ADAM28: variants seen among roughly 807,000 people sequenced by gnomAD.
ADAM28 encodes the protein ADAM metallopeptidase domain 28, also known as disintegrin and metalloproteinase domain-containing protein 28.
In ADAM28, 105 loss-of-function variants were observed where a neutral mutation model predicts 101.2. The ratio of observed to expected loss-of-function variants is 1.04; its 90% CI spans 0.89 to 1.22. ADAM28 has a LOEUF of 1.22. Among genes scored for constraint, ADAM28 ranks in the 50% most tolerant of loss-of-function variants. ADAM28 has a pLI of 0.00. For synonymous variants in ADAM28, 322 were observed against 310.6 expected (o/e 1.04, Z -0.39); for missense variants, 1,028 against 945.4 (o/e 1.09, Z -1.15).
At chr8:24,298,204 G>T (rs934077486) in intron 1 of ADAM28, among the ~76,000 whole-genome samples, 1 of 151,956 alleles carries the variant, frequency 6.6e-6, no homozygotes, top group Non-Finnish European at 1.5e-5. Flanking sequence ...AAAAAATAAG[G>T]TATTCTAATG....
rs73673446 is a variant in ADAM28 at position 24,340,322 on chromosome 8, C to T, written c.1670+754C>T. Among the ~76,000 whole-genome samples the T allele has an allele frequency of 3.3e-3, 509 of 152,272 alleles. 1 individual carries two copies. The highest frequency in any genetic ancestry group is 0.012 in the African/African-American group (488 of 41,544). On this transcript the variant is annotated intron_variant, in intron 15 of 22. Coordinates refer to ENST00000265769, the MANE Select transcript of ADAM28 (RefSeq NM_014265.6). Reference sequence around the variant, plus strand: ...TCTCTGAATGACAGGTATTACCAAACTATACTTTGGATATAGGGTTATCTC... The same window carrying T: ...TCTCTGAATGACAGGTATTACCAAATTATACTTTGGATATAGGGTTATCTC...
rs35073591 is a variant in ADAM28, at chr8:24,350,864, GTT to G, written c.2100-343_2100-342del. Reference sequence around the variant, plus strand: ...ACGAACGTGATTCTGGCACAACGGTGTTTTTTTTTTTTTTTTTTTTTTTTTTA... The same window carrying G: ...ACGAACGTGATTCTGGCACAACGGTGTTTTTTTTTTTTTTTTTTTTTTTTA... On this transcript the variant is annotated intron_variant, in intron 19 of 22. Transcript: ENST00000265769. Among the ~76,000 whole-genome samples the G allele has an allele frequency of 8.4e-3, 1,249 of 147,832 alleles. 12 individuals carry two copies. The highest frequency in any genetic ancestry group is 0.027 in the South Asian group (124 of 4,664).
intron 6 of ADAM28, among the ~76,000 whole-genome samples, chr8:24,319,926 G>A (rs1372518559): frequency 6.6e-6 from 1 of 151,876 alleles, no homozygotes; most frequent in Admixed American, 6.6e-5. Context: ...GTGTCAGGAT[G>A]GTGAAGAAGT....
intron 18 of ADAM28, among the ~76,000 whole-genome samples, chr8:24,343,856 C>G (rs1230392041): frequency 1.3e-5 from 2 of 152,128 alleles, no homozygotes; most frequent in Non-Finnish European, 2.9e-5. Flanking sequence ...CTTTAGGACT[C>G]TTCCATTTTC....
intron 18 of ADAM28, among the ~76,000 whole-genome samples, chr8:24,345,143 A>G (rs995164814): frequency 2.0e-5 from 3 of 151,718 alleles, no homozygotes; most frequent in Admixed American, 6.6e-5. Context: ...CTTAATTACT[A>G]ATTAATCAAA....
intron 16 of ADAM28, 43 bp from the exon 17 acceptor site, chr8:24,343,058 G>T (rs182827287): frequency 1.2e-6 from 2 of 1,612,500 alleles, no homozygotes; most frequent in Admixed American, 1.7e-5. Flanking sequence ...TCTCATCTAC[G>T]TTCAGAGAAG....
intron 8 of ADAM28, 70 bp from the exon 9 acceptor site, chr8:24,323,764 T>C: frequency 7.0e-7 from 1 of 1,433,040 alleles, no homozygotes; most frequent in Non-Finnish European, 9.4e-7. Flanking sequence ...AAATACAAAA[T>C]ATATTGAAAA....
intron 2 of ADAM28, among the ~76,000 whole-genome samples, chr8:24,303,880 A>C (rs1417953669): frequency 6.6e-6 from 1 of 151,998 alleles, no homozygotes. Context: ...CATCAGCTGA[A>C]ATTTTACAAG....
chr8:24,330,394 C>T (rs554348963), intron 11 of ADAM28, among the ~76,000 whole-genome samples: 191 of 152,154 alleles, frequency 1.3e-3, no homozygotes, highest in South Asian at 3.5e-3. Context: ...ATCAGGTTTT[C>T]CATGAATTCA....
At chr8:24,299,119 G>C (rs1009073029) in intron 1 of ADAM28, among the ~76,000 whole-genome samples, 2 of 152,096 alleles carry the variant, frequency 1.3e-5, no homozygotes, top group Admixed American at 1.3e-4. Context: ...CTTGAGCCCA[G>C]GATGTTGAGG....
Position 24,341,649 on chromosome 8 carries a change from C to G in ADAM28, c.1722C>G (p.Pro574=). 6.2e-7 allele frequency: 1 copy of G among 1,613,800 alleles called. No individual in the cohort carries two copies. Among genetic ancestry groups the G allele is most frequent in the Non-Finnish European group, 8.5e-7 (1 of 1,179,800 alleles). The part of the protein sequence containing the change: ...LFCQGGSDNL[P]WKGRIVTFLT... Reference sequence around the variant, plus strand: ...GTCAAGGTGGGTCGGATAATTTGCCCTGGAAAGGACGGATAGTGACTTTCC... The same window carrying G: ...GTCAAGGTGGGTCGGATAATTTGCCGTGGAAAGGACGGATAGTGACTTTCC... The change falls in exon 16 of 23, where the codon CCC becomes CCG. Residue 574 remains proline (P), a synonymous_variant. Coordinates refer to ENST00000265769, the MANE Select transcript of ADAM28 (RefSeq NM_014265.6).
Position 24,356,757 on chromosome 8 carries a change from C to CTACTT in ADAM28, c.*2356_*2360dup, listed in dbSNP as rs1229319943. 2.0e-5 allele frequency: 3 copies of CTACTT among 152,090 alleles called. No homozygotes were observed. Among genetic ancestry groups the CTACTT allele is most frequent in the African/African-American group, 7.2e-5 (3 of 41,414 alleles). 9.4% of individuals were successfully genotyped at this position (152,090 alleles called of 1,614,324 possible). ...TCATCATTAGTTATTTTTACCTTGT[C>CTACTT]TACTTTAAAACAGTGAAATTATTAG... On this transcript the variant is annotated 3_prime_UTR_variant, in exon 23 of 23. Coordinates refer to ENST00000265769, the MANE Select transcript of ADAM28 (RefSeq NM_014265.6).
intron 13 of ADAM28, among the ~76,000 whole-genome samples, chr8:24,333,208 C>T (rs933507724): frequency 7.2e-5 from 11 of 152,124 alleles, no homozygotes; most frequent in Admixed American, 5.2e-4. Flanking sequence ...GGACAAGTTA[C>T]AGTTATGTAG....
intron 14 of ADAM28, among the ~76,000 whole-genome samples, chr8:24,336,600 GA>G (rs1257292791): frequency 5.4e-4 from 63 of 116,758 alleles, no homozygotes; most frequent in South Asian, 3.3e-3. Context: ...AAAAAAAAAA[GA>G]AAAAAAAAGA....
chr8:24,336,832 G>A (rs1274738343), intron 14 of ADAM28, among the ~76,000 whole-genome samples: 2 of 151,938 alleles, frequency 1.3e-5, no homozygotes, highest in Non-Finnish European at 1.5e-5. Flanking sequence ...TGGATATGAT[G>A]TGTATGATGT....
chr8:24,321,418 C>G, intron 8 of ADAM28, 129 bp downstream of exon 8: 1 of 784,190 alleles, frequency 1.3e-6, no homozygotes, highest in South Asian at 1.4e-5. Flanking sequence ...TGACTGGCTC[C>G]CAAAGGATGA....
chr8:24,329,769 C>A (rs113128151), intron 10 of ADAM28, among the ~76,000 whole-genome samples: 1 of 151,922 alleles, frequency 6.6e-6, no homozygotes, highest in Non-Finnish European at 1.5e-5. Flanking sequence ...ATTATAGGAA[C>A]CTACTCAAAG....
chr8:24,335,921 G>A (rs1002048644), intron 14 of ADAM28: 6 of 1,119,168 alleles, frequency 5.4e-6, no homozygotes, highest in Admixed American at 4.3e-5. Flanking sequence ...CAATATTTGA[G>A]GTGTGCTCAT....
intron 1 of ADAM28, 131 bp downstream of exon 1, chr8:24,294,326 A>AGCCCAACTG: frequency 9.3e-7 from 1 of 1,079,200 alleles, no homozygotes; most frequent in Non-Finnish European, 1.3e-6. Flanking sequence ...CTTACTAACC[A>AGCCCAACTG]GTTGGGCTGG....
Sources: allele counts gnomAD v4.1 joint callset (sites outside exome capture counted in the v4.1 genomes callset), GRCh38; gene constraint gnomAD v4.1.1; transcripts MANE v1.5; gene names NCBI Gene and HGNC (gene_info 2026-07-23, HGNC 2026-07-21).